CDC123: variants seen among roughly 807,000 people sequenced by gnomAD.
CDC123 encodes cell division cycle 123, also known as translation initiation factor eIF2 assembly protein.
CDC123 carries 37 observed loss-of-function variants against 54.4 expected under a neutral mutation model. That is an observed-to-expected ratio of 0.68 (90% CI 0.52 to 0.89). The LOEUF is 0.89. Among genes scored for constraint, CDC123 ranks in the 40% least tolerant of loss-of-function variants. The probability of loss-of-function intolerance (pLI) is 0.00; values close to 1 mark genes in which losing one functional copy is unlikely to be tolerated. For synonymous variants in CDC123, 144 were observed against 136.8 expected (o/e 1.05, Z -0.37); for missense variants, 361 against 412.1 (o/e 0.88, Z 1.07).
intron 6 of CDC123, among the ~76,000 whole-genome samples, chr10:12,230,106 T>A (rs555172412): frequency 1.1e-4 from 17 of 152,334 alleles, no homozygotes; most frequent in African/African-American, 4.1e-4. Context: ...ATGGTTATAA[T>A]AGCCCATAAC....
chr10:12,227,866 A>G (rs1017353036), intron 6 of CDC123, among the ~76,000 whole-genome samples: 1 of 152,208 alleles, frequency 6.6e-6, no homozygotes, highest in Non-Finnish European at 1.5e-5. Flanking sequence ...ACTTATCAAT[A>G]TGCTGATCCT....
At position 12,250,393 on chromosome 10, in the gene CDC123, T is replaced by A; in HGVS notation, c.*56T>A. ...CCCGCCCCACCGCTCCGGGAGCTGCTCATCAGCCGCAACTTCCTGCCGACC... is the reference window on the plus strand; with the variant it reads ...CCCGCCCCACCGCTCCGGGAGCTGCACATCAGCCGCAACTTCCTGCCGACC... On this transcript the variant is annotated 3_prime_UTR_variant, in exon 13 of 13. Coordinates refer to ENST00000281141, the MANE Select transcript of CDC123 (RefSeq NM_006023.3). 1 of 1,394,044 alleles carries A rather than the reference T, an allele frequency of 7.2e-7. No individual in the cohort carries two copies. The highest frequency in any genetic ancestry group is 1.0e-6 in the Non-Finnish European group (1 of 980,318). 86.4% of individuals were successfully genotyped at this position (1,394,044 alleles called of 1,614,324 possible).
At chr10:12,225,504 C>G (rs1835797933) in intron 6 of CDC123, among the ~76,000 whole-genome samples, 1 of 151,118 alleles carries the variant, frequency 6.6e-6, no homozygotes, top group African/African-American at 2.5e-5. Flanking sequence ...TCTCATTCCA[C>G]TCTCTCATTT....
At chr10:12,216,283 A>G (rs1273478674) in intron 5 of CDC123, among the ~76,000 whole-genome samples, 5 of 152,212 alleles carry the variant, frequency 3.3e-5, no homozygotes. Flanking sequence ...AGATTTTTAT[A>G]AAAGTTAAGG....
At chr10:12,239,969 C>T (rs1473935163) in intron 10 of CDC123, among the ~76,000 whole-genome samples, 1 of 144,398 alleles carries the variant, frequency 6.9e-6, no homozygotes, top group Non-Finnish European at 1.5e-5. Context: ...GATCGCGCCA[C>T]TGCACTCCAG....
At chr10:12,225,389 G>T (rs954392258) in intron 6 of CDC123, among the ~76,000 whole-genome samples, 5 of 152,096 alleles carry the variant, frequency 3.3e-5, no homozygotes, top group African/African-American at 4.8e-5. Flanking sequence ...GTGAGACTCT[G>T]TCTCAAAAAA....
intron 4 of CDC123, among the ~76,000 whole-genome samples, chr10:12,211,627 G>C (rs1033948902): frequency 3.9e-5 from 6 of 152,200 alleles, no homozygotes; most frequent in African/African-American, 1.4e-4. Context: ...AGATGAATAT[G>C]ATTTCATTTC....
At chr10:12,234,938 TAAAACCA>T in intron 7 of CDC123, 103 bp from the exon 8 acceptor site, 2 of 769,464 alleles carry the variant, frequency 2.6e-6, no homozygotes, top group Admixed American at 2.3e-5. Context: ...CCTCTTTTTT[TAAAACCA>T]TTTGATAATG....
At position 12,243,935 on chromosome 10, in the gene CDC123, T is replaced by C. The variant is rs1046181845; in HGVS notation, c.718-2214T>C. Among the ~76,000 whole-genome samples, 5 of 152,218 alleles carry C rather than the reference T, an allele frequency of 3.3e-5. No individual in the cohort carries two copies. In the East Asian group the frequency reaches 5.8e-4, roughly 18 times the overall value. ...GAAGTTGTTTGACGGCTGATACTGT[T>C]TCACATAGTTCCAGGAATGAAGAAG... On this transcript the variant is annotated intron_variant, in intron 10 of 12. Coordinates refer to ENST00000281141, the MANE Select transcript of CDC123 (RefSeq NM_006023.3).
At chr10:12,243,339 A>G (rs1194514237) in intron 10 of CDC123, among the ~76,000 whole-genome samples, 1 of 151,020 alleles carries the variant, frequency 6.6e-6, no homozygotes, top group East Asian at 1.9e-4. Context: ...GGGAAGTTGC[A>G]GTGAGCCGAG....
At chr10:12,229,522 G>C in intron 6 of CDC123, among the ~76,000 whole-genome samples, 1 of 152,140 alleles carries the variant, frequency 6.6e-6, no homozygotes, top group Non-Finnish European at 1.5e-5. Context: ...ACGTTTCTCC[G>C]TGCTTTAAAT....
At chr10:12,246,441 A>G (rs1322209523) in intron 11 of CDC123, 164 bp downstream of exon 11, 4 of 712,864 alleles carry the variant, frequency 5.6e-6, no homozygotes, top group Non-Finnish European at 8.9e-6. Context: ...GTGGTCAAAG[A>G]AGGGGGCCCC....
At chr10:12,242,388 C>T (rs940035024) in intron 10 of CDC123, among the ~76,000 whole-genome samples, 1 of 152,140 alleles carries the variant, frequency 6.6e-6, no homozygotes, top group Admixed American at 6.6e-5. Context: ...CTGCACATTG[C>T]CATTGTTGGA....
At chr10:12,242,664 G>A (rs922698533) in intron 10 of CDC123, among the ~76,000 whole-genome samples, 12 of 152,218 alleles carry the variant, frequency 7.9e-5, no homozygotes, top group East Asian at 7.7e-4. Context: ...TGTTATGGCC[G>A]GGCGTGGTGG....
In CDC123 at chr10:12,225,746, CTTTTTTTTT is replaced by C. The variant is rs60404885; in HGVS notation, c.441-5183_441-5175del. 1.9e-4 allele frequency among the ~76,000 whole-genome samples: 13 copies of C among 66,928 alleles called. No individual in the cohort carries two copies. In the East Asian group the frequency reaches 3.0e-3, roughly 15 times the overall value. 43.9% of individuals were successfully genotyped at this position (66,928 alleles called of 152,430 possible). A position where few individuals can be genotyped will look rare whatever the true frequency, so the allele number is the denominator to read the frequency against. On this transcript the variant is annotated intron_variant, in intron 6 of 12. Transcript: ENST00000281141. ...TCTCTTTTTTTTTTCTAGCTTCTCT[CTTTTTTTTT>C]TTTTTTTTTTTTTTTTTTAGTATTT...
At chr10:12,220,073 C>T (rs957704021) in intron 6 of CDC123, among the ~76,000 whole-genome samples, 6 of 152,136 alleles carry the variant, frequency 3.9e-5, no homozygotes, top group Non-Finnish European at 5.9e-5. Flanking sequence ...TCTCGTGATC[C>T]GCCCGCCTTG....
At chr10:12,221,910 G>C (rs1835742738) in intron 6 of CDC123, among the ~76,000 whole-genome samples, 1 of 152,128 alleles carries the variant, frequency 6.6e-6, no homozygotes, top group Non-Finnish European at 1.5e-5. Context: ...GGACACCCCT[G>C]GTTAGACCAA....
intron 6 of CDC123, among the ~76,000 whole-genome samples, chr10:12,221,805 T>C (rs774431573): frequency 4.1e-4 from 61 of 150,208 alleles, no homozygotes; most frequent in Non-Finnish European, 3.1e-4. Flanking sequence ...TATTTACTTA[T>C]TTTTTAGCTC....
intron 6 of CDC123, among the ~76,000 whole-genome samples, chr10:12,220,606 G>T (rs1564436870): frequency 6.6e-6 from 1 of 152,230 alleles, no homozygotes; most frequent in African/African-American, 2.4e-5. Context: ...AACAGGAAGT[G>T]TTGCCATCAC....
Sources: gnomAD v4.1 joint callset for allele counts (sites outside exome capture counted in the v4.1 genomes callset) on GRCh38, gnomAD v4.1.1 for gene constraint, MANE v1.5 for transcripts, NCBI Gene and HGNC (gene_info 2026-07-23, HGNC 2026-07-21) for gene names.